The following E2F7 variants were observed in gnomAD, a reference collection of about 807,000 sequenced individuals.
E2F7 encodes the protein E2F transcription factor 7.
Under a neutral mutation model 81.1 loss-of-function variants are expected in E2F7, and 35 were observed. The ratio of observed to expected loss-of-function variants is 0.43; its 90% CI spans 0.33 to 0.57. The LOEUF is 0.57. Ranked by LOEUF, E2F7 falls within the 20% of genes least tolerant of loss-of-function variation. The pLI, the probability that E2F7 is intolerant of heterozygous loss-of-function variation, is 0.04. For missense variants in E2F7, 961 were observed against 1,093.7 expected (o/e 0.88, Z 1.71); for synonymous variants, 416 against 416.2 (o/e 1.00, Z 0.01).
In E2F7 at chr12:77,033,043, T is replaced by C; in HGVS notation, c.1382+7A>G. The C allele has an allele frequency of 6.2e-7, 1 of 1,612,072 alleles. No individual in the cohort carries two copies. The highest frequency in any genetic ancestry group is 8.5e-7 in the Non-Finnish European group (1 of 1,179,042). On this transcript the variant is annotated splice_region_variant and intron_variant, in intron 9 of 12. Transcript: ENST00000322886. ...GAATACACTCTGAGCTTTTATAGACTACTTACTGTGAATTGTCTTCTATTT... is the reference window on the plus strand; with the variant it reads ...GAATACACTCTGAGCTTTTATAGACCACTTACTGTGAATTGTCTTCTATTT...
intron 7 of E2F7, among the ~76,000 whole-genome samples, chr12:77,035,510 G>A: frequency 6.6e-6 from 1 of 152,164 alleles, no homozygotes; most frequent in East Asian, 1.9e-4. Context: ...TGTTGCCCCA[G>A]TAATGGGGAA....
Position 77,055,875 on chromosome 12 carries a change from C to T in E2F7, c.349G>A (p.Ala117Thr), listed in dbSNP as rs182849356. The change falls in exon 3 of 13, where the codon GCA becomes ACA. Residue 117 changes from alanine (A) to threonine (T), a missense_variant. Physicochemically the swap from Ala to Thr is moderately conservative, Grantham distance 58. Around this residue, in one of 3 missense-constraint regions of E2F7, gnomAD observed 301 missense variants for 405.0 expected, o/e 0.74. Transcript: ENST00000322886. Reference sequence around the variant, plus strand: ...TTTACCTGTAGAGAATCTGTAAATGCATCGTCCTTGTTTTCAATGGGTCGG... The same window carrying T: ...TTTACCTGTAGAGAATCTGTAAATGTATCGTCCTTGTTTTCAATGGGTCGG... ...LFRPIENKDD[A>T]FTDSLQLDVV... is the part of the protein sequence containing the mutation. 4.7e-5 allele frequency: 76 copies of T among 1,612,138 alleles called. No homozygotes were observed. In the Admixed American group the frequency reaches 6.9e-4, roughly 15 times the overall value.
rs367684341 is a variant in E2F7, at chr12:77,033,035, T to C, written c.1382+15A>G. The C allele has an allele frequency of 6.9e-5, 111 of 1,609,184 alleles. No homozygotes were observed. The highest frequency in any genetic ancestry group is 9.2e-5 in the Non-Finnish European group (108 of 1,177,868). On this transcript the variant is annotated intron_variant, in intron 9 of 12. Transcript: ENST00000322886. ...ATAGAAAAGAATACACTCTGAGCTT[T>C]TATAGACTACTTACTGTGAATTGTC...
chr12:77,029,912 T>C lies in E2F7; in HGVS notation c.1803A>G (p.Lys601=), dbSNP rs1389467294. ...SAQKRLCEER[K]PQEEDEPATK... ...TGGCTGGCTCATCCTCCTCCTGAGG[T>C]TTCCTCTCCTCACAGAGGCGCTTCT... The change falls in exon 10 of 13, where the codon AAA becomes AAG. Residue 601 remains lysine, a synonymous_variant. Coordinates refer to ENST00000322886, the MANE Select transcript of E2F7 (RefSeq NM_203394.3). 1.9e-6 allele frequency: 3 copies of C among 1,614,072 alleles called. No homozygotes were observed. The highest frequency in any genetic ancestry group is 2.5e-6 in the Non-Finnish European group (3 of 1,180,042).
chr12:77,031,174 G>C (rs1041747187), intron 9 of E2F7, among the ~76,000 whole-genome samples: 1 of 152,044 alleles, frequency 6.6e-6, no homozygotes, highest in East Asian at 1.9e-4. Context: ...AGTGAGCTAC[G>C]ATCACGCCAC....
At chr12:77,064,772 AGT>A in intron 1 of E2F7, 137 bp from the exon 2 acceptor site, 2 of 676,568 alleles carry the variant, frequency 3.0e-6, no homozygotes, top group Non-Finnish European at 4.9e-6. Flanking sequence ...CATTTCCAGG[AGT>A]TGTAGCCACC....
chr12:77,050,984 A>G (rs1430161049), intron 3 of E2F7, among the ~76,000 whole-genome samples: 3 of 152,208 alleles, frequency 2.0e-5, no homozygotes, highest in Non-Finnish European at 4.4e-5. Flanking sequence ...TTGACAAATG[A>G]AAAATGAGAG....
In E2F7 at chr12:77,046,225, G is replaced by A; in HGVS notation, c.642C>T (p.Ser214=). 1 of 1,614,138 alleles carries A rather than the reference G, an allele frequency of 6.2e-7. No individual in the cohort carries two copies. The highest frequency in any genetic ancestry group is 8.5e-7 in the Non-Finnish European group (1 of 1,180,018). The part of the protein sequence containing the change: ...KNQYGWHGRH[S]LPKTLRNLQR... Reference sequence around the variant, plus strand: ...GGAGGTTCCTCAGGGTTTTTGGCAGGCTGTGCCGTCCATGCCAGCCATACT... The same window carrying A: ...GGAGGTTCCTCAGGGTTTTTGGCAGACTGTGCCGTCCATGCCAGCCATACT... The change falls in exon 5 of 13, where the codon AGC becomes AGT. Residue 214 remains serine (S), a synonymous_variant. Coordinates refer to ENST00000322886, the MANE Select transcript of E2F7 (RefSeq NM_203394.3).
chr12:77,024,897 C>A (rs75911404), intron 12 of E2F7, among the ~76,000 whole-genome samples: 5,172 of 152,198 alleles, frequency 0.034, 286 homozygotes, highest in African/African-American at 0.12. Flanking sequence ...AGTAAGTAAT[C>A]ACTGTGAACA....
chr12:77,045,849 A>G lies in E2F7; in HGVS notation c.829+189T>C, dbSNP rs1486481090. ...GAGTGAACTGCCATGAGCCAGGTTT[A>G]TTTCAATGAGGTCAAGTGGGCAGTC... On this transcript the variant is annotated intron_variant, in intron 5 of 12. Coordinates refer to ENST00000322886, the MANE Select transcript of E2F7 (RefSeq NM_203394.3). 11 of 689,092 alleles carry G rather than the reference A, an allele frequency of 1.6e-5. No homozygotes were observed. The Admixed American group carries it at 2.4e-4, about 15-fold the overall frequency. The allele number at this position is 689,092 out of a possible 1,614,324, so 42.7% of individuals were successfully genotyped here. A position where few individuals can be genotyped will look rare whatever the true frequency, so the allele number is the denominator to read the frequency against.
At chr12:77,043,898 T>A (rs904936715) in intron 6 of E2F7, among the ~76,000 whole-genome samples, 3 of 152,154 alleles carry the variant, frequency 2.0e-5, no homozygotes, top group Non-Finnish European at 4.4e-5. Flanking sequence ...AGAAATTGAT[T>A]TACAGGTAGG....
intron 3 of E2F7, among the ~76,000 whole-genome samples, chr12:77,055,337 G>C (rs1279182603): frequency 6.6e-6 from 1 of 151,284 alleles, no homozygotes; most frequent in African/African-American, 2.4e-5. Flanking sequence ...AAGCTTGATG[G>C]GAAGTGAAAA....
At chr12:77,056,770 T>C (rs1461037585) in intron 2 of E2F7, among the ~76,000 whole-genome samples, 2 of 152,200 alleles carry the variant, frequency 1.3e-5, no homozygotes, top group Non-Finnish European at 2.9e-5. Context: ...CAGATGTGAT[T>C]TGCCATTTGA....
At chr12:77,036,438 T>C (rs1379289105) in intron 7 of E2F7, among the ~76,000 whole-genome samples, 2 of 152,048 alleles carry the variant, frequency 1.3e-5, no homozygotes, top group African/African-American at 2.4e-5. Flanking sequence ...GGTGGGATGA[T>C]TGCCTGAGCC....
intron 3 of E2F7, among the ~76,000 whole-genome samples, chr12:77,054,146 CA>C (rs1228653956): frequency 2.0e-5 from 3 of 151,490 alleles, no homozygotes; most frequent in African/African-American, 7.3e-5. Context: ...CCTGGGTGAC[CA>C]AATTATCTGT....
At chr12:77,049,461 T>C (rs1954968822) in intron 4 of E2F7, among the ~76,000 whole-genome samples, 1 of 152,236 alleles carries the variant, frequency 6.6e-6, no homozygotes, top group Non-Finnish European at 1.5e-5. Flanking sequence ...GACTTTGGCA[T>C]GTTACTGACA....
intron 4 of E2F7, among the ~76,000 whole-genome samples, chr12:77,047,238 T>C (rs992859129): frequency 6.6e-6 from 1 of 152,248 alleles, no homozygotes; most frequent in African/African-American, 2.4e-5. Context: ...ATCCCTGATA[T>C]ATCCCTTACT....
At chr12:77,042,471 TC>T (rs1469965420) in intron 7 of E2F7, among the ~76,000 whole-genome samples, 1 of 152,204 alleles carries the variant, frequency 6.6e-6, no homozygotes, top group Non-Finnish European at 1.5e-5. Flanking sequence ...TTGGATCTAG[TC>T]CCTGATTGCT....
chr12:77,052,823 C>CAA (rs61543636), intron 3 of E2F7, among the ~76,000 whole-genome samples: 3 of 149,664 alleles, frequency 2.0e-5, no homozygotes, highest in Non-Finnish European at 3.0e-5. Context: ...ATCAACATGA[C>CAA]AAAAAAAAAC....
Sources: gnomAD v4.1 joint callset for allele counts (sites outside exome capture counted in the v4.1 genomes callset) on GRCh38, gnomAD v4.1.1 for gene constraint, gnomAD v4.1.1 regional missense constraint, MANE v1.5 for transcripts, NCBI Gene and HGNC (gene_info 2026-07-23, HGNC 2026-07-21) for gene names.